PDZD2: variants seen among roughly 807,000 people sequenced by gnomAD.
PDZD2 encodes the protein PDZ domain-containing protein 2.
In PDZD2, 90 loss-of-function variants were observed where a neutral mutation model predicts 220.7. The ratio of observed to expected loss-of-function variants is 0.41; its 90% CI spans 0.34 to 0.49. The LOEUF (loss-of-function observed/expected upper bound fraction) is 0.49. PDZD2 is among the 20% of genes least tolerant of loss of function. The pLI is 0.28. For synonymous variants in PDZD2, 1,375 were observed against 1,450.5 expected (o/e 0.95, Z 1.18); for missense variants, 3,174 against 3,608.5 (o/e 0.88, Z 3.08).
At chr5:31,858,917 C>T (rs2150309587) in intron 2 of PDZD2, among the ~76,000 whole-genome samples, 1 of 152,238 alleles carries the variant, frequency 6.6e-6, no homozygotes, top group African/African-American at 2.4e-5. Flanking sequence ...CGGGGTTTCA[C>T]CATGTTGCCC....
intron 7 of PDZD2, among the ~76,000 whole-genome samples, chr5:32,042,119 G>A (rs952342944): frequency 2.0e-5 from 3 of 151,616 alleles, no homozygotes; most frequent in Admixed American, 2.0e-4. Flanking sequence ...AAAATTAGCT[G>A]GGCATGGTGG....
chr5:31,794,526 G>A (rs192982235), intron 1 of PDZD2, among the ~76,000 whole-genome samples: 2,165 of 149,664 alleles, frequency 0.014, 22 homozygotes, highest in Non-Finnish European at 0.025. Flanking sequence ...TCAGCCTCCC[G>A]AGTAGCTGGG....
At chr5:31,774,389 T>C (rs1366205017) in intron 1 of PDZD2, among the ~76,000 whole-genome samples, 1 of 150,898 alleles carries the variant, frequency 6.6e-6, no homozygotes, top group African/African-American at 2.5e-5. Context: ...ACAGGTTCAC[T>C]GTAGAAAAAA....
intron 1 of PDZD2, among the ~76,000 whole-genome samples, chr5:31,641,750 A>G (rs1388801215): frequency 6.6e-6 from 1 of 152,064 alleles, no homozygotes; most frequent in African/African-American, 2.4e-5. Context: ...TGGTCTCCCA[A>G]CGTGCTGGAA....
intron 2 of PDZD2, among the ~76,000 whole-genome samples, chr5:31,801,062 G>C (rs1020777040): frequency 1.3e-5 from 2 of 152,198 alleles, no homozygotes; most frequent in Admixed American, 6.5e-5. Context: ...GCAAAGTGCA[G>C]GGTGGAGAAG....
intron 2 of PDZD2, among the ~76,000 whole-genome samples, chr5:31,841,455 A>G (rs1757297057): frequency 6.6e-6 from 1 of 152,236 alleles, no homozygotes; most frequent in Admixed American, 6.5e-5. Flanking sequence ...TGGGCAGATC[A>G]CGAGATCAAG....
chr5:31,643,015 A>G (rs768396375), intron 1 of PDZD2, among the ~76,000 whole-genome samples: 1 of 152,226 alleles, frequency 6.6e-6, no homozygotes, highest in African/African-American at 2.4e-5. Flanking sequence ...CCAGATGATT[A>G]GAAATGTTGA....
chr5:31,840,186 G>A (rs898701039), intron 2 of PDZD2, among the ~76,000 whole-genome samples: 3 of 151,668 alleles, frequency 2.0e-5, no homozygotes, highest in East Asian at 1.9e-4. Context: ...GCGGTGAGCC[G>A]TGATCATGCC....
rs551037301 is a variant in PDZD2 at position 32,030,611 on chromosome 5, A to G, written c.1408-6620A>G. Reference sequence around the variant, plus strand: ...TCTACTGTTTCTTTGTTTCTGACTCAGACCTTTTTTCCTAACATACTAATC... The same window carrying G: ...TCTACTGTTTCTTTGTTTCTGACTCGGACCTTTTTTCCTAACATACTAATC... On this transcript the variant is annotated intron_variant, in intron 6 of 24. Coordinates refer to ENST00000438447, the MANE Select transcript of PDZD2 (RefSeq NM_178140.4). Among the ~76,000 whole-genome samples the G allele has an allele frequency of 3.1e-3, 477 of 152,304 alleles. 6 individuals are homozygous for G. The highest frequency in any genetic ancestry group is 4.6e-3 in the Non-Finnish European group (313 of 68,032).
At chr5:31,992,685 A>G (rs1489079981) in intron 3 of PDZD2, among the ~76,000 whole-genome samples, 1 of 152,152 alleles carries the variant, frequency 6.6e-6, no homozygotes, top group Non-Finnish European at 1.5e-5. Context: ...CTAAAACCCA[A>G]ATAGATTTTC....
In PDZD2 at chr5:32,087,545, G is replaced by A. The variant is rs771920154; in HGVS notation, c.4097G>A (p.Gly1366Glu). 26 of 1,613,686 alleles carry A rather than the reference G, an allele frequency of 1.6e-5. No homozygotes were observed. The highest frequency in any genetic ancestry group is 3.3e-4 in the Middle Eastern group (2 of 6,082). ...GNHSKALEMT[G>E]IHAPESSQEP... ...CACAGTAAGGCTCTGGAAATGACAG[G>A]AATCCATGCACCTGAAAGCTCCCAG... Residue 1366 changes from glycine (G) to glutamate (E), a missense_variant, in exon 20 of 25, where the codon GGA becomes GAA. Gly to Glu is a moderately conservative substitution (Grantham distance 98). Around this residue, in one of 4 missense-constraint regions of PDZD2, gnomAD observed 1,861 missense variants for 2,001.0 expected, o/e 0.93. Transcript: ENST00000438447. This position sits in a 1 kb window ranked among gnomAD's most constrained non-coding sequence, Gnocchi z 4.0.
At chr5:32,039,303 C>A (rs541413517) in intron 7 of PDZD2, among the ~76,000 whole-genome samples, 16 of 151,842 alleles carry the variant, frequency 1.1e-4, no homozygotes, top group Non-Finnish European at 1.9e-4. Context: ...GACGGGGTTT[C>A]GCCGCGTTGA....
chr5:32,036,116 C>T (rs1169519663), intron 6 of PDZD2, among the ~76,000 whole-genome samples: 1 of 152,094 alleles, frequency 6.6e-6, no homozygotes, highest in East Asian at 1.9e-4. Context: ...GCTAATTTCA[C>T]ACCCGGCTAA....
At chr5:31,907,350 T>C (rs1333083376) in intron 2 of PDZD2, among the ~76,000 whole-genome samples, 1 of 152,218 alleles carries the variant, frequency 6.6e-6, no homozygotes, top group Non-Finnish European at 1.5e-5. Context: ...CTGGCATCTC[T>C]TCTTATAAGG....
intron 3 of PDZD2, among the ~76,000 whole-genome samples, chr5:31,994,494 G>A (rs541436206): frequency 6.6e-6 from 1 of 152,034 alleles, no homozygotes; most frequent in East Asian, 1.9e-4. Flanking sequence ...ATTCAATATG[G>A]TGTTTTTTGT....
intron 6 of PDZD2, among the ~76,000 whole-genome samples, chr5:32,011,663 C>A (rs1227002698): frequency 6.6e-6 from 1 of 152,116 alleles, no homozygotes; most frequent in Non-Finnish European, 1.5e-5. Flanking sequence ...TTCCTCCTTC[C>A]CACTCTCCTG....
intron 2 of PDZD2, among the ~76,000 whole-genome samples, chr5:31,978,181 A>C (rs556455044): frequency 4.3e-4 from 65 of 152,284 alleles, no homozygotes; most frequent in Middle Eastern, 3.4e-3. Context: ...TGAAAGACTA[A>C]CCATACCTGT....
chr5:31,849,889 C>CAT (rs1757827509), intron 2 of PDZD2, among the ~76,000 whole-genome samples: 2 of 17,790 alleles, frequency 1.1e-4, no homozygotes, highest in African/African-American at 1.9e-3. Flanking sequence ...TATATATATA[C>CAT]ACATATATAT....
intron 1 of PDZD2, among the ~76,000 whole-genome samples, chr5:31,699,345 G>C (rs535267136): frequency 6.6e-6 from 1 of 152,250 alleles, no homozygotes; most frequent in Non-Finnish European, 1.5e-5. Flanking sequence ...GCAGAGGCAC[G>C]AAGCAGCACA....
Sources: gnomAD v4.1 joint callset for allele counts (sites outside exome capture counted in the v4.1 genomes callset) on GRCh38, gnomAD v4.1.1 for gene constraint, gnomAD v4.1.1 regional missense constraint, Gnocchi (gnomAD v3.1) non-coding constraint, MANE v1.5 for transcripts, NCBI Gene and HGNC (gene_info 2026-07-23, HGNC 2026-07-21) for gene names.